AHR: variants seen among roughly 807,000 people sequenced by gnomAD.
AHR encodes AH-receptor.
In AHR, 40 loss-of-function variants were observed where a neutral mutation model predicts 86.8. The ratio of observed to expected loss-of-function variants is 0.46; its 90% CI spans 0.36 to 0.60. The LOEUF (loss-of-function observed/expected upper bound fraction) is 0.60. Among genes scored for constraint, AHR ranks in the 20% least tolerant of loss-of-function variants. AHR has a pLI of 0.00. For missense variants in AHR, 1,001 were observed against 1,011.6 expected (o/e 0.99, Z 0.14); for synonymous variants, 398 against 354.9 (o/e 1.12, Z -1.37).
chr7:17,335,530 C>T, intron 8 of AHR, 115 bp from the exon 9 acceptor site: 2 of 830,406 alleles, frequency 2.4e-6, no homozygotes, highest in Non-Finnish European at 3.5e-6. Context: ...AATTTATTGT[C>T]TTTGGGGATA....
chr7:17,303,223 GA>G (rs1204857550), intron 1 of AHR, among the ~76,000 whole-genome samples: 1 of 151,970 alleles, frequency 6.6e-6, no homozygotes, highest in Non-Finnish European at 1.5e-5. Flanking sequence ...TAGTACTAAA[GA>G]AAGGTAGTAT....
intron 1 of AHR, among the ~76,000 whole-genome samples, chr7:17,302,259 A>T (rs963543189): frequency 6.6e-6 from 1 of 152,052 alleles, no homozygotes; most frequent in Non-Finnish European, 1.5e-5. Context: ...TTAAGCCATT[A>T]TGAAGTGTCA....
At position 17,320,760 on chromosome 7, in the gene AHR, T is replaced by A. The variant is rs549296678; in HGVS notation, c.254-1741T>A. Among the ~76,000 whole-genome samples the A allele has an allele frequency of 2.0e-5, 3 of 152,256 alleles. No homozygotes were observed. The East Asian group carries it at 5.8e-4, about 29-fold the overall frequency. ...TCTGCCATTCTCTCTGTGTACAGAT[T>A]AAACATTTCCTTTGGTCTTGATGAA... On this transcript the variant is annotated intron_variant, in intron 2 of 10. Transcript: ENST00000242057.
At position 17,329,986 on chromosome 7, in the gene AHR, T is replaced by C. The variant is rs751483528; in HGVS notation, c.485T>C (p.Ile162Thr). 5 of 1,611,206 alleles carry C rather than the reference T, an allele frequency of 3.1e-6. No individual in the cohort carries two copies. Among genetic ancestry groups the C allele is most frequent in the Admixed American group, 3.3e-5 (2 of 59,824 alleles). Residue 162 changes from isoleucine to threonine, a missense_variant, in exon 5 of 11, where the codon ATC (isoleucine) becomes ACC (threonine). This residue lies in a region of AHR where 394 missense variants were observed against 468.5 expected (regional missense o/e 0.84). Transcript: ENST00000242057. Reference protein sequence around the residue: ...DVIHQSVYELIHTEDRAEFQR... With the variant: ...DVIHQSVYELTHTEDRAEFQR... ...ATACATCAGAGTGTATATGAACTTA[T>C]CCATACCGAAGACCGAGCTGAATTT...
chr7:17,302,486 T>C (rs983720824), intron 1 of AHR, among the ~76,000 whole-genome samples: 2 of 152,020 alleles, frequency 1.3e-5, no homozygotes, highest in Admixed American at 6.6e-5. Flanking sequence ...TAAAATAGCA[T>C]CTAAAATAAA....
chr7:17,302,809 A>AT (rs539752905), intron 1 of AHR, among the ~76,000 whole-genome samples: 13 of 150,414 alleles, frequency 8.6e-5, no homozygotes, highest in East Asian at 5.8e-4. Context: ...AACAAAAAAA[A>AT]AATATATATA....
rs147429619 is a variant in AHR, at chr7:17,328,357, A to G, written c.450+509A>G. 3.1e-3 allele frequency among the ~76,000 whole-genome samples: 473 copies of G among 152,156 alleles called. 5 individuals are homozygous for G. The highest frequency in any genetic ancestry group is 0.011 in the African/African-American group (457 of 41,554). Reference sequence around the variant, plus strand: ...ATAGGAATATTGAAGTACTGTAAGCATTAGACTGGAAGTCATTGAAGGAAA... The same window carrying G: ...ATAGGAATATTGAAGTACTGTAAGCGTTAGACTGGAAGTCATTGAAGGAAA... On this transcript the variant is annotated intron_variant, in intron 4 of 10. Transcript: ENST00000242057.
intron 10 of AHR, among the ~76,000 whole-genome samples, chr7:17,340,554 G>T (rs1782410331): frequency 6.6e-6 from 1 of 151,904 alleles, no homozygotes; most frequent in African/African-American, 2.4e-5. Context: ...AGATAATTTG[G>T]TTTATTCTTT....
At chr7:17,326,570 C>G (rs955667893) in intron 3 of AHR, among the ~76,000 whole-genome samples, 1 of 152,096 alleles carries the variant, frequency 6.6e-6, no homozygotes. Flanking sequence ...ATTTCTACAA[C>G]CATATAACAT....
intron 8 of AHR, among the ~76,000 whole-genome samples, chr7:17,335,307 A>C (rs1343834371): frequency 6.6e-6 from 1 of 152,100 alleles, no homozygotes; most frequent in Non-Finnish European, 1.5e-5. Context: ...TAATAGTGTT[A>C]ATAATTCTAG....
chr7:17,322,568 A>G lies in AHR; in HGVS notation c.321A>G (p.Arg107=), dbSNP rs1562478254. 6.2e-7 allele frequency: 1 copy of G among 1,612,842 alleles called. No individual in the cohort carries two copies. The change falls in exon 3 of 11, where the codon AGA becomes AGG. Residue 107 remains arginine, a synonymous_variant. Transcript: ENST00000242057. ...GQDNCRAANF[R]EGLNLQEGEF... The stretch of plus-strand genomic sequence containing the variant: ...ATAACTGTAGAGCAGCAAATTTCAG[A>G]GAAGGCCTGAACTTACAAGAAGGAG...
Position 17,342,997 on chromosome 7 carries a change from T to G in AHR, c.2480T>G (p.Leu827Arg). ...AATAACACTCAGACTACCACACATC[T>G]TCAGCCACTTCATCATCCGTCAGAA... The part of the protein sequence containing the change: ...NINNTQTTTH[L>R]QPLHHPSEAR... Residue 827 changes from leucine (L) to arginine (R), a missense_variant, in exon 11 of 11, where the codon CTT (leucine) becomes CGT (arginine). Leu to Arg is a moderately radical substitution (Grantham distance 102). Transcript: ENST00000242057. 1 of 1,613,886 alleles carries G rather than the reference T, an allele frequency of 6.2e-7. No homozygotes were observed. The highest frequency in any genetic ancestry group is 8.5e-7 in the Non-Finnish European group (1 of 1,179,778).
chr7:17,312,536 A>T (rs565289142), intron 2 of AHR, among the ~76,000 whole-genome samples: 29 of 152,324 alleles, frequency 1.9e-4, no homozygotes, highest in Non-Finnish European at 3.1e-4. Context: ...ACAGACACAT[A>T]CATGATTAGA....
chr7:17,303,731 G>A (rs1284613067), intron 1 of AHR, among the ~76,000 whole-genome samples: 2 of 151,852 alleles, frequency 1.3e-5, no homozygotes, highest in African/African-American at 4.8e-5. Context: ...AAATTTTAAT[G>A]CAAATTTATT....
intron 2 of AHR, among the ~76,000 whole-genome samples, chr7:17,314,577 TC>T (rs1224339019): frequency 6.6e-6 from 1 of 152,102 alleles, no homozygotes; most frequent in Non-Finnish European, 1.5e-5. Context: ...TTATTCATCT[TC>T]AGCTTGTGCA....
intron 1 of AHR, among the ~76,000 whole-genome samples, chr7:17,305,409 G>A (rs1403678277): frequency 1.3e-5 from 2 of 152,120 alleles, no homozygotes; most frequent in Admixed American, 1.3e-4. Flanking sequence ...GGGCTTTATT[G>A]GGTGTAGGTA....
At chr7:17,334,847 C>A (rs1470401983) in intron 7 of AHR, 40 bp from the exon 8 acceptor site, 1 of 1,390,818 alleles carries the variant, frequency 7.2e-7, no homozygotes. Flanking sequence ...TATGTTAAAT[C>A]TTAATCCATT....
At chr7:17,317,265 C>T (rs1365895472) in intron 2 of AHR, among the ~76,000 whole-genome samples, 1 of 151,688 alleles carries the variant, frequency 6.6e-6, no homozygotes, top group Non-Finnish European at 1.5e-5. Context: ...TGATATAATA[C>T]ATAATAATTT....
intron 2 of AHR, among the ~76,000 whole-genome samples, chr7:17,311,304 G>T (rs73301745): frequency 0.02 from 2,976 of 151,966 alleles, 106 homozygotes; most frequent in African/African-American, 0.069. Flanking sequence ...AATCACATAG[G>T]GATCTTGTTA....
Sources: allele counts gnomAD v4.1 joint callset (sites outside exome capture counted in the v4.1 genomes callset), GRCh38; gene constraint gnomAD v4.1.1; regional missense constraint gnomAD v4.1.1; transcripts MANE v1.5; gene names NCBI Gene and HGNC (gene_info 2026-07-23, HGNC 2026-07-21).